Variants in TBC1D22A observed in about 807,000 individuals in gnomAD.
TBC1D22A encodes putative GTPase activator.
In TBC1D22A, 38 loss-of-function variants were observed where a neutral mutation model predicts 60.2. The ratio of observed to expected loss-of-function variants is 0.63; its 90% CI spans 0.49 to 0.83. The LOEUF (loss-of-function observed/expected upper bound fraction) is 0.83, where lower values mean the gene tolerates loss of function less well. TBC1D22A is among the 40% of genes least tolerant of loss of function. TBC1D22A has a pLI of 0.00. For missense variants in TBC1D22A, 628 were observed against 701.0 expected, an observed-to-expected ratio of 0.90 and a Z score of 1.18; for synonymous variants, 302 against 281.7, an observed-to-expected ratio of 1.07 and a Z score of -0.72.
intron 12 of TBC1D22A, among the ~76,000 whole-genome samples, chr22:47,132,990 C>T (rs935241018): frequency 1.3e-5 from 2 of 152,164 alleles, no homozygotes; most frequent in Admixed American, 6.5e-5. Flanking sequence ...CATGACAGAA[C>T]AGCCACCACC....
chr22:46,892,629 A>G (rs1304608085), intron 6 of TBC1D22A, among the ~76,000 whole-genome samples: 1 of 152,068 alleles, frequency 6.6e-6, no homozygotes, highest in East Asian at 1.9e-4. Context: ...CTCTTTTGCC[A>G]CTCCACTGGT....
chr22:47,079,150 G>C (rs923254316), intron 11 of TBC1D22A, among the ~76,000 whole-genome samples: 3 of 146,272 alleles, frequency 2.1e-5, no homozygotes, highest in Non-Finnish European at 4.5e-5. Flanking sequence ...GCAGTGGCAC[G>C]ATCTTGGCTC....
intron 9 of TBC1D22A, among the ~76,000 whole-genome samples, chr22:46,979,732 G>C (rs1270685353): frequency 6.6e-6 from 1 of 152,200 alleles, no homozygotes; most frequent in Admixed American, 6.5e-5. Context: ...CCTGCCTGCT[G>C]CCAGCATGCC....
chr22:46,995,980 A>G (rs917122472), intron 9 of TBC1D22A, among the ~76,000 whole-genome samples: 3 of 152,218 alleles, frequency 2.0e-5, no homozygotes, highest in Admixed American at 1.3e-4. Flanking sequence ...TGGGCTCTGA[A>G]TGCCGGGTGC....
At position 46,797,721 on chromosome 22, in the gene TBC1D22A, C is replaced by T. The variant is rs554631152; in HGVS notation, c.637+101C>T. On this transcript the variant is annotated intron_variant, in intron 4 of 12. Transcript: ENST00000337137. ...TCTATGTATGCTTATGTAATGCACA[C>T]GCGTCCGTGTGTAATTTGCCTTGCA... The T allele has an allele frequency of 8.9e-5, 110 of 1,242,334 alleles. No homozygotes were observed. The South Asian group carries it at 1.6e-3, about 18-fold the overall frequency. The allele number at this position is 1,242,334 out of a possible 1,614,324, so 77.0% of individuals were successfully genotyped here. A position where few individuals can be genotyped will look rare whatever the true frequency, so the allele number is the denominator to read the frequency against.
intron 12 of TBC1D22A, among the ~76,000 whole-genome samples, chr22:47,126,683 T>A (rs2066470242): frequency 6.6e-6 from 1 of 152,248 alleles, no homozygotes; most frequent in Non-Finnish European, 1.5e-5. Flanking sequence ...CCTCAAGGAC[T>A]GGCAGGGTGT....
chr22:47,042,930 C>A (rs1420910815), intron 11 of TBC1D22A, among the ~76,000 whole-genome samples: 1 of 152,220 alleles, frequency 6.6e-6, no homozygotes, highest in Non-Finnish European at 1.5e-5. Flanking sequence ...GGAGGTGGGG[C>A]CTGCACTTTG....
intron 12 of TBC1D22A, among the ~76,000 whole-genome samples, chr22:47,136,650 C>T (rs2066884244): frequency 6.6e-6 from 1 of 150,762 alleles, no homozygotes; most frequent in Non-Finnish European, 1.5e-5. Context: ...GGGTCCTGGG[C>T]TTGAGCCCCC....
intron 11 of TBC1D22A, among the ~76,000 whole-genome samples, chr22:47,103,187 T>C (rs1434457173): frequency 6.6e-6 from 1 of 152,126 alleles, no homozygotes; most frequent in Non-Finnish European, 1.5e-5. Context: ...TGTAATTTCG[T>C]TCGGTTTCCA....
At chr22:47,107,282 C>T (rs75098713) in intron 11 of TBC1D22A, among the ~76,000 whole-genome samples, 1,549 of 152,162 alleles carry the variant, frequency 0.01, 30 homozygotes, top group African/African-American at 0.036. Flanking sequence ...TTGGAAACCT[C>T]GAAATGAGAG....
intron 8 of TBC1D22A, among the ~76,000 whole-genome samples, chr22:46,932,720 C>CTTTTTTGTTTTTTTTTT (rs2071422403): frequency 1.5e-5 from 1 of 66,322 alleles, no homozygotes; most frequent in African/African-American, 6.8e-5. Flanking sequence ...GTCCTTCTTG[C>CTTTTTTGTTTTTTTTTT]TTTTTTTTTT....
At chr22:46,961,369 G>A (rs978990937) in intron 8 of TBC1D22A, among the ~76,000 whole-genome samples, 5 of 152,112 alleles carry the variant, frequency 3.3e-5, no homozygotes, top group African/African-American at 7.2e-5. Flanking sequence ...AAGTTCTGCC[G>A]CAGCCAGCTC....
At chr22:47,124,991 G>A (rs1215085882) in intron 12 of TBC1D22A, among the ~76,000 whole-genome samples, 1 of 152,120 alleles carries the variant, frequency 6.6e-6, no homozygotes, top group Non-Finnish European at 1.5e-5. Context: ...CTGTAAAGGA[G>A]GGAGGGGCAG....
At chr22:46,887,904 A>C (rs987115591) in intron 5 of TBC1D22A, among the ~76,000 whole-genome samples, 1 of 152,232 alleles carries the variant, frequency 6.6e-6, no homozygotes, top group Non-Finnish European at 1.5e-5. Flanking sequence ...AATATGGAAT[A>C]GATGACAGTG....
At chr22:46,956,037 G>C (rs190022537) in intron 8 of TBC1D22A, among the ~76,000 whole-genome samples, 1 of 152,266 alleles carries the variant, frequency 6.6e-6, no homozygotes, top group Admixed American at 6.5e-5. Context: ...TTCAGTATGT[G>C]AAAATGATCA....
At chr22:46,882,887 A>C (rs2067921982) in intron 5 of TBC1D22A, among the ~76,000 whole-genome samples, 1 of 152,204 alleles carries the variant, frequency 6.6e-6, no homozygotes, top group Non-Finnish European at 1.5e-5. Flanking sequence ...ACATGATTCT[A>C]GTAGCCTTAT....
At chr22:47,153,147 G>A (rs569672395) in intron 12 of TBC1D22A, among the ~76,000 whole-genome samples, 26 of 152,226 alleles carry the variant, frequency 1.7e-4, no homozygotes, top group Admixed American at 3.3e-4. Flanking sequence ...TCCAGCCATT[G>A]CATCCATAGT....
intron 12 of TBC1D22A, among the ~76,000 whole-genome samples, chr22:47,147,811 G>A (rs1026822093): frequency 3.3e-5 from 5 of 152,230 alleles, no homozygotes; most frequent in Non-Finnish European, 7.3e-5. Context: ...GGCCAGGAGG[G>A]AGGATGGGAC....
chr22:46,907,616 G>A (rs1187034776), intron 7 of TBC1D22A, among the ~76,000 whole-genome samples: 2 of 152,036 alleles, frequency 1.3e-5, no homozygotes, highest in African/African-American at 2.4e-5. Context: ...CACCATCCTC[G>A]CCTCCACCAT....
Sources: allele counts gnomAD v4.1 joint callset (sites outside exome capture counted in the v4.1 genomes callset), GRCh38; gene constraint gnomAD v4.1.1; transcripts MANE v1.5; gene names NCBI Gene and HGNC (gene_info 2026-07-23, HGNC 2026-07-21).